NRDC: variants seen among roughly 807,000 people sequenced by gnomAD.
NRDC encodes nardilysin.
A neutral mutation model predicts 147.1 loss-of-function variants in NRDC; 54 were observed. That is an observed-to-expected ratio of 0.37 (90% CI 0.29 to 0.46). The LOEUF is 0.46. NRDC is among the 20% of genes least tolerant of loss of function. The pLI, the probability that NRDC is intolerant of heterozygous loss-of-function variation, is 1.00. For missense variants in NRDC, 1,082 were observed against 1,370.6 expected (o/e 0.79, Z 3.33); for synonymous variants, 440 against 482.1 (o/e 0.91, Z 1.14).
At chr1:51,837,473 A>G (rs769462809) in intron 2 of NRDC, 1 of 1,554,472 alleles carries the variant, frequency 6.4e-7, no homozygotes, top group South Asian at 1.2e-5. Flanking sequence ...GTGATGTTTT[A>G]ATAGGTGCCT....
intron 7 of NRDC, 148 bp downstream of exon 7, chr1:51,823,516 G>T: frequency 1.7e-6 from 1 of 589,968 alleles, no homozygotes. Flanking sequence ...CACTAGCTAC[G>T]TGACATCTCC....
At chr1:51,815,189 T>TC (rs903266857) in intron 11 of NRDC, among the ~76,000 whole-genome samples, 1 of 127,366 alleles carries the variant, frequency 7.9e-6, no homozygotes, top group African/African-American at 3.0e-5. Context: ...TTTCTTTTTT[T>TC]TTTTTTTTTT....
intron 1 of NRDC, among the ~76,000 whole-genome samples, chr1:51,871,861 C>T (rs207460121): frequency 2.6e-5 from 4 of 151,890 alleles, no homozygotes; most frequent in African/African-American, 7.3e-5. Context: ...AAAAACAGGG[C>T]GTTTTTGTTT....
intron 2 of NRDC, chr1:51,837,649 T>A (rs761400133): frequency 1.4e-6 from 2 of 1,467,310 alleles, no homozygotes; most frequent in East Asian, 4.8e-5. Context: ...CTTGAGAATT[T>A]TCTACCTAAA....
At chr1:51,834,725 ATATAACT>A (rs1402575945) in intron 3 of NRDC, among the ~76,000 whole-genome samples, 1 of 152,204 alleles carries the variant, frequency 6.6e-6, no homozygotes, top group Non-Finnish European at 1.5e-5. Context: ...TAAGACGAAC[ATATAACT>A]TATAAAGAGA....
intron 10 of NRDC, 28 bp downstream of exon 10, chr1:51,818,038 T>C: frequency 1.3e-6 from 2 of 1,554,352 alleles, no homozygotes; most frequent in Non-Finnish European, 8.8e-7. Flanking sequence ...TTGGTTCTAA[T>C]GAAGTAAATT....
intron 1 of NRDC, among the ~76,000 whole-genome samples, chr1:51,852,466 T>A (rs1253463205): frequency 7.0e-5 from 2 of 28,660 alleles, no homozygotes; most frequent in African/African-American, 2.2e-4. Context: ...TATATAACTA[T>A]AACTATATAT....
At chr1:51,848,939 C>T (rs1364940064) in intron 1 of NRDC, among the ~76,000 whole-genome samples, 2 of 152,134 alleles carry the variant, frequency 1.3e-5, no homozygotes, top group Non-Finnish European at 2.9e-5. Flanking sequence ...CTTTTCAATA[C>T]TACTAAACAG....
chr1:51,849,306 G>A (rs977972296), intron 1 of NRDC, among the ~76,000 whole-genome samples: 6 of 151,834 alleles, frequency 4.0e-5, no homozygotes, highest in African/African-American at 1.5e-4. Flanking sequence ...GCTGAGGCAG[G>A]AGAATGACTG....
intron 27 of NRDC, 53 bp downstream of exon 27, chr1:51,791,525 C>G (rs535477512): frequency 7.1e-7 from 1 of 1,412,726 alleles, no homozygotes; most frequent in African/African-American, 1.4e-5. Flanking sequence ...CATGTAGCCC[C>G]TACTCTCCAT....
chr1:51,846,175 C>G (rs1434672466), intron 1 of NRDC, among the ~76,000 whole-genome samples: 1 of 151,886 alleles, frequency 6.6e-6, no homozygotes, highest in Non-Finnish European at 1.5e-5. Flanking sequence ...GCAGTGGTGC[C>G]GTCTCGGCTC....
chr1:51,805,412 A>T, intron 19 of NRDC, 98 bp downstream of exon 19: 2 of 941,830 alleles, frequency 2.1e-6, no homozygotes, highest in South Asian at 3.2e-5. Context: ...CATAGCTCAA[A>T]TATGGATAGA....
chr1:51,835,860 C>G (rs1557919539), intron 3 of NRDC, among the ~76,000 whole-genome samples: 1 of 152,200 alleles, frequency 6.6e-6, no homozygotes, highest in Non-Finnish European at 1.5e-5. Flanking sequence ...AAATGGCAAT[C>G]ATCTCCTGAT....
chr1:51,848,462 C>G (rs1444969735), intron 1 of NRDC, among the ~76,000 whole-genome samples: 1 of 152,134 alleles, frequency 6.6e-6, no homozygotes, highest in African/African-American at 2.4e-5. Context: ...GCCTGAATGA[C>G]AGAGCGAGAC....
chr1:51,866,648 A>T (rs76970293), intron 1 of NRDC, among the ~76,000 whole-genome samples: 5,043 of 152,194 alleles, frequency 0.033, 199 homozygotes, highest in South Asian at 0.094. Context: ...AAATAACTAG[A>T]ATTACACTTA....
intron 22 of NRDC, among the ~76,000 whole-genome samples, chr1:51,796,081 A>G (rs1294244336): frequency 2.6e-5 from 4 of 151,850 alleles, no homozygotes; most frequent in African/African-American, 9.7e-5. Flanking sequence ...GTGTCTCACT[A>G]TGTTGCCCAG....
intron 7 of NRDC, among the ~76,000 whole-genome samples, chr1:51,823,030 AAGT>A (rs1553207857): frequency 6.6e-6 from 1 of 152,222 alleles, no homozygotes; most frequent in Non-Finnish European, 1.5e-5. Context: ...TTTGAAAAAC[AAGT>A]AGGTTGAAAT....
intron 1 of NRDC, among the ~76,000 whole-genome samples, chr1:51,841,903 T>C (rs555190296): frequency 6.6e-6 from 1 of 152,324 alleles, no homozygotes; most frequent in African/African-American, 2.4e-5. Flanking sequence ...TGGCCTAAGA[T>C]GGAAGACTGA....
chr1:51,836,574 C>T (rs1680986256), intron 2 of NRDC: 13 of 692,008 alleles, frequency 1.9e-5, no homozygotes, highest in South Asian at 1.8e-4. Context: ...TGGAAATCTG[C>T]GGAAGTAACA....
Sources: gnomAD v4.1 joint callset for allele counts (sites outside exome capture counted in the v4.1 genomes callset) on GRCh38, gnomAD v4.1.1 for gene constraint, MANE v1.5 for transcripts, NCBI Gene and HGNC (gene_info 2026-07-23, HGNC 2026-07-21) for gene names.